PHACTR3: variants seen among roughly 807,000 people sequenced by gnomAD.
PHACTR3 encodes the protein protein phosphatase 1, regulatory subunit 123.
Under a neutral mutation model 66.8 loss-of-function variants are expected in PHACTR3, and 16 were observed. That is an observed-to-expected ratio of 0.24 (90% CI 0.16 to 0.36). The LOEUF (loss-of-function observed/expected upper bound fraction) is 0.36. Among genes scored for constraint, PHACTR3 ranks in the 10% least tolerant of loss-of-function variants. The pLI, the probability that PHACTR3 is intolerant of heterozygous loss-of-function variation, is 1.00. For synonymous variants in PHACTR3, 323 were observed against 292.1 expected (o/e 1.11, Z -1.08); for missense variants, 647 against 719.9 (o/e 0.90, Z 1.16).
intron 1 of PHACTR3, among the ~76,000 whole-genome samples, chr20:59,706,882 TCCTGGATTTAAAACA>T (rs2058401222): frequency 6.6e-6 from 1 of 152,160 alleles, no homozygotes; most frequent in South Asian, 2.1e-4. Context: ...CTGCTTTCTC[TCCTGGATTTAAAACA>T]CCCTCTACCT....
chr20:59,596,721 CTG>C (rs1470919324), intron 1 of PHACTR3, among the ~76,000 whole-genome samples: 4 of 152,238 alleles, frequency 2.6e-5, no homozygotes, highest in South Asian at 4.1e-4. Flanking sequence ...GCAAATTCCT[CTG>C]TGTCCTTCCA....
chr20:59,815,513 C>T (rs573038133), intron 8 of PHACTR3, among the ~76,000 whole-genome samples: 1 of 150,174 alleles, frequency 6.7e-6, no homozygotes, highest in South Asian at 2.1e-4. Flanking sequence ...TAACCTCTGC[C>T]TTCTGGGTTC....
intron 6 of PHACTR3, among the ~76,000 whole-genome samples, chr20:59,773,717 A>G (rs1312908824): frequency 6.6e-6 from 1 of 152,250 alleles, no homozygotes; most frequent in Admixed American, 6.5e-5. Flanking sequence ...TGAGCCCCTC[A>G]GGACCCAGGG....
chr20:59,644,973 C>T (rs1018850274), intron 1 of PHACTR3, among the ~76,000 whole-genome samples: 6 of 152,062 alleles, frequency 3.9e-5, no homozygotes, highest in African/African-American at 9.7e-5. Flanking sequence ...AGATAGTAAA[C>T]ATAGGGCCTG....
intron 1 of PHACTR3, among the ~76,000 whole-genome samples, chr20:59,711,016 T>C (rs2037894594): frequency 6.6e-6 from 1 of 152,202 alleles, no homozygotes; most frequent in South Asian, 2.1e-4. Flanking sequence ...CTACAAATAT[T>C]TGCATATTTT....
intron 1 of PHACTR3, among the ~76,000 whole-genome samples, chr20:59,579,291 C>T (rs1160529832): frequency 6.6e-6 from 1 of 152,210 alleles, no homozygotes; most frequent in Non-Finnish European, 1.5e-5. Flanking sequence ...TCTGTCTAGG[C>T]CTTGATGGAT....
At chr20:59,774,591 G>T (rs147476075) in intron 7 of PHACTR3, 101 bp downstream of exon 7, 3 of 1,465,284 alleles carry the variant, frequency 2.0e-6, no homozygotes, top group Non-Finnish European at 2.7e-6. Context: ...GGAACAGGTC[G>T]AGGGGCTGCA....
intron 12 of PHACTR3, among the ~76,000 whole-genome samples, chr20:59,845,735 T>TA (rs1488155985): frequency 6.6e-6 from 1 of 152,160 alleles, no homozygotes; most frequent in Non-Finnish European, 1.5e-5. Flanking sequence ...GTTTCCTCAG[T>TA]AAATATTTGA....
At chr20:59,777,675 G>C (rs1041612862) in intron 7 of PHACTR3, among the ~76,000 whole-genome samples, 3 of 152,154 alleles carry the variant, frequency 2.0e-5, no homozygotes, top group African/African-American at 7.2e-5. Context: ...CTGTCTCTTT[G>C]CTACCTATCA....
chr20:59,607,331 C>T (rs2146337259), intron 1 of PHACTR3, among the ~76,000 whole-genome samples: 1 of 152,292 alleles, frequency 6.6e-6, no homozygotes, highest in East Asian at 1.9e-4. Flanking sequence ...CTTGGAAAGT[C>T]TAGGCCCTTC....
chr20:59,657,299 A>G lies in PHACTR3; in HGVS notation c.118+52167A>G, dbSNP rs185086948. ...TGTGTGTGTGTTTGTGTGTTATTTT[A>G]TGCAATTGTTTATTAAATCAGTGAA... On this transcript the variant is annotated intron_variant, in intron 1 of 12. Transcript: ENST00000371015. Among the ~76,000 whole-genome samples the G allele has an allele frequency of 4.6e-5, 7 of 151,340 alleles. No individual in the cohort carries two copies. The East Asian group carries it at 1.2e-3, about 25-fold the overall frequency.
chr20:59,662,029 G>C (rs2035824855), intron 1 of PHACTR3, among the ~76,000 whole-genome samples: 1 of 152,124 alleles, frequency 6.6e-6, no homozygotes, highest in Non-Finnish European at 1.5e-5. Flanking sequence ...ACCCCATTTA[G>C]AGACAGGAAA....
intron 1 of PHACTR3, 30 bp downstream of exon 1, chr20:59,605,162 G>GGGGGGGGGGGC: frequency 1.1e-6 from 1 of 923,112 alleles, no homozygotes; most frequent in Non-Finnish European, 1.5e-6. Context: ...CGGCGGGCGG[G>GGGGGGGGGGGC]TCGGGGAGGC....
chr20:59,745,961 G>A (rs1459079905), intron 2 of PHACTR3, among the ~76,000 whole-genome samples: 4 of 152,198 alleles, frequency 2.6e-5, no homozygotes, highest in Non-Finnish European at 4.4e-5. Flanking sequence ...GCCTGGTGCC[G>A]GCCTGGGGAC....
chr20:59,582,031 T>C (rs1267911733), intron 1 of PHACTR3, among the ~76,000 whole-genome samples: 1 of 152,186 alleles, frequency 6.6e-6, no homozygotes, highest in Non-Finnish European at 1.5e-5. Context: ...TTAATTACAC[T>C]AGTATGTCAT....
intron 1 of PHACTR3, among the ~76,000 whole-genome samples, chr20:59,611,758 C>T (rs749757291): frequency 1.3e-5 from 2 of 152,210 alleles, no homozygotes; most frequent in African/African-American, 2.4e-5. Flanking sequence ...CGGCTCCCTT[C>T]CTGGCTCCCC....
At chr20:59,682,906 T>C (rs1271559611) in intron 1 of PHACTR3, among the ~76,000 whole-genome samples, 1 of 152,140 alleles carries the variant, frequency 6.6e-6, no homozygotes, top group African/African-American at 2.4e-5. Context: ...GGGCTTTTGC[T>C]CTGAGTGTGA....
intron 4 of PHACTR3, among the ~76,000 whole-genome samples, chr20:59,762,462 G>T (rs558871634): frequency 2.0e-5 from 3 of 152,374 alleles, no homozygotes; most frequent in Non-Finnish European, 2.9e-5. Flanking sequence ...CCAGCCGCTT[G>T]TCCAGTGTTC....
chr20:59,726,444 G>A (rs775738397), intron 1 of PHACTR3, among the ~76,000 whole-genome samples: 1 of 152,104 alleles, frequency 6.6e-6, no homozygotes, highest in Non-Finnish European at 1.5e-5. Context: ...GGGCCTCCTC[G>A]CCACCAGGTC....
Sources: allele counts gnomAD v4.1 joint callset (sites outside exome capture counted in the v4.1 genomes callset), GRCh38; gene constraint gnomAD v4.1.1; transcripts MANE v1.5; gene names NCBI Gene and HGNC (gene_info 2026-07-23, HGNC 2026-07-21).